RAB10: variants seen among roughly 807,000 people sequenced by gnomAD.
RAB10 encodes the protein RAB10, member RAS oncogene family.
Under a neutral mutation model 25.7 loss-of-function variants are expected in RAB10, and 5 were observed. The ratio of observed to expected loss-of-function variants is 0.19; its 90% CI spans 0.10 to 0.41. The LOEUF is 0.41. Ranked by LOEUF, RAB10 falls within the 10% of genes least tolerant of loss-of-function variation. RAB10 has a pLI of 1.00. For missense variants in RAB10, 103 were observed against 245.8 expected (o/e 0.42, Z 3.89); for synonymous variants, 89 against 86.4 (o/e 1.03, Z -0.16).
intron 1 of RAB10, among the ~76,000 whole-genome samples, chr2:26,082,227 T>G (rs1666884480): frequency 2.0e-5 from 3 of 152,080 alleles, no homozygotes; most frequent in Admixed American, 1.3e-4. Flanking sequence ...TCTGTAAGGT[T>G]CTTATATTAT....
At position 26,124,481 on chromosome 2, in the gene RAB10, G is replaced by T. The variant is rs12464773; in HGVS notation, c.328-2663G>T. ...GTGGCAGTGATAATAGTTCACTCCA[G>T]CCTTGAGCTCTTGGGCTCAAGTGCT... On this transcript the variant is annotated intron_variant, in intron 3 of 5. Coordinates refer to ENST00000264710, the MANE Select transcript of RAB10 (RefSeq NM_016131.5). Among the ~76,000 whole-genome samples the T allele has an allele frequency of 2.4e-3, 307 of 127,556 alleles. 9 individuals carry two copies. The Admixed American group carries it at 0.028, about 11-fold the overall frequency. 83.7% of individuals were successfully genotyped at this position (127,556 alleles called of 152,430 possible).
At chr2:26,125,024 G>A (rs1449911581) in intron 3 of RAB10, among the ~76,000 whole-genome samples, 1 of 152,118 alleles carries the variant, frequency 6.6e-6, no homozygotes, top group Non-Finnish European at 1.5e-5. Context: ...GGATATGTGG[G>A]TTGTTTTCAC....
At chr2:26,094,708 G>A (rs940533547) in intron 1 of RAB10, among the ~76,000 whole-genome samples, 1 of 152,016 alleles carries the variant, frequency 6.6e-6, no homozygotes, top group African/African-American at 2.4e-5. Flanking sequence ...ACAGGCACGT[G>A]CCACCATGCC....
Position 26,058,093 on chromosome 2 carries a change from T to C in RAB10, c.127+23358T>C, listed in dbSNP as rs146274533. Among the ~76,000 whole-genome samples, 1,318 of 152,316 alleles carry C rather than the reference T, an allele frequency of 8.7e-3. 26 individuals are homozygous for C. Among genetic ancestry groups the C allele is most frequent in the African/African-American group, 0.028 (1,168 of 41,558 alleles). On this transcript the variant is annotated intron_variant, in intron 1 of 5. Transcript: ENST00000264710. ...AAGAAGACTAAAAATCTTGGAGGTA[T>C]CCTTGATGCCTCCTTCACTGGTATC...
At chr2:26,110,832 A>T (rs1482301435) in intron 3 of RAB10, among the ~76,000 whole-genome samples, 1 of 151,114 alleles carries the variant, frequency 6.6e-6, no homozygotes, top group Non-Finnish European at 1.5e-5. Context: ...TAGTGTCTTG[A>T]GTAGCTGGAA....
At chr2:26,109,468 T>C (rs904347585) in intron 2 of RAB10, among the ~76,000 whole-genome samples, 1 of 152,250 alleles carries the variant, frequency 6.6e-6, no homozygotes, top group African/African-American at 2.4e-5. Context: ...GGTATAGTTC[T>C]CTAATGTTCT....
chr2:26,093,676 C>T lies in RAB10; in HGVS notation c.128-4986C>T, dbSNP rs543710877. On this transcript the variant is annotated intron_variant, in intron 1 of 5. Coordinates refer to ENST00000264710, the MANE Select transcript of RAB10 (RefSeq NM_016131.5). ...GAGAGGATTTACGAAGTAGCATATG[C>T]TAAACGAGAGACATGAGAAAACATG... is the stretch of plus-strand genomic sequence containing the variant. Among the ~76,000 whole-genome samples the T allele has an allele frequency of 2.0e-5, 3 of 152,204 alleles. No individual in the cohort carries two copies. The South Asian group carries it at 6.2e-4, about 32-fold the overall frequency.
intron 1 of RAB10, among the ~76,000 whole-genome samples, chr2:26,063,610 T>C (rs893031665): frequency 1.3e-5 from 2 of 152,220 alleles, no homozygotes; most frequent in African/African-American, 4.8e-5. Context: ...ATAATCTTTA[T>C]TCAAGCTTCC....
intron 1 of RAB10, among the ~76,000 whole-genome samples, chr2:26,083,219 C>T (rs1666904707): frequency 6.6e-6 from 1 of 152,026 alleles, no homozygotes; most frequent in South Asian, 2.1e-4. Context: ...AAGATGTAAA[C>T]GTGCCTTTAT....
chr2:26,136,720 C>A lies in RAB10; in HGVS notation c.*1699C>A, dbSNP rs1189483463. The A allele has an allele frequency of 6.6e-6, 1 of 152,566 alleles. No homozygotes were observed. Among genetic ancestry groups the A allele is most frequent in the Non-Finnish European group, 1.5e-5 (1 of 68,018 alleles). The allele number at this position is 152,566 out of a possible 1,614,324, so 9.5% of individuals were successfully genotyped here. ...TGTGTCGTGAATAGCATTTTAATGA[C>A]CTCTTGGCTCACATAAGCAAACAAC... On this transcript the variant is annotated 3_prime_UTR_variant, in exon 6 of 6. Coordinates refer to ENST00000264710, the MANE Select transcript of RAB10 (RefSeq NM_016131.5).
intron 1 of RAB10, among the ~76,000 whole-genome samples, chr2:26,072,628 A>G (rs1666652134): frequency 6.6e-6 from 1 of 151,714 alleles, no homozygotes. Flanking sequence ...TTCTTAAAAT[A>G]CTCCTCCCTT....
At chr2:26,080,170 T>C (rs1666837154) in intron 1 of RAB10, among the ~76,000 whole-genome samples, 1 of 152,206 alleles carries the variant, frequency 6.6e-6, no homozygotes, top group Admixed American at 6.5e-5. Context: ...ATAATGGTAG[T>C]ATTGAATTAA....
intron 1 of RAB10, among the ~76,000 whole-genome samples, chr2:26,078,073 C>T (rs1381715449): frequency 6.6e-6 from 1 of 152,092 alleles, no homozygotes; most frequent in Non-Finnish European, 1.5e-5. Context: ...TAAAGTAAGA[C>T]AATTCCATTT....
intron 1 of RAB10, among the ~76,000 whole-genome samples, chr2:26,044,991 TTTTG>T: frequency 6.6e-6 from 1 of 152,100 alleles, no homozygotes. Context: ...GTGGTTTTGT[TTTTG>T]TTTTTTTTTT....
At chr2:26,125,726 G>A (rs1391253603) in intron 3 of RAB10, among the ~76,000 whole-genome samples, 1 of 151,890 alleles carries the variant, frequency 6.6e-6, no homozygotes, top group East Asian at 1.9e-4. Context: ...GTCATTTTTT[G>A]TTGTTGTTAG....
intron 3 of RAB10, among the ~76,000 whole-genome samples, chr2:26,122,635 A>AC (rs1351045892): frequency 2.6e-5 from 4 of 152,072 alleles, no homozygotes; most frequent in Admixed American, 6.6e-5. Flanking sequence ...CAAAAAAAAA[A>AC]ACAAAAAAAA....
chr2:26,105,006 G>C (rs1194008321), intron 2 of RAB10, among the ~76,000 whole-genome samples: 1 of 151,916 alleles, frequency 6.6e-6, no homozygotes, highest in Admixed American at 6.6e-5. Context: ...CAAAGTCCTG[G>C]GATTACAGGC....
At chr2:26,085,815 G>A (rs1018219862) in intron 1 of RAB10, among the ~76,000 whole-genome samples, 2 of 151,736 alleles carry the variant, frequency 1.3e-5, no homozygotes, top group African/African-American at 4.8e-5. Flanking sequence ...TGACCAACAT[G>A]GAGAAACCCT....
chr2:26,076,367 G>A (rs1280918559), intron 1 of RAB10, among the ~76,000 whole-genome samples: 2 of 152,136 alleles, frequency 1.3e-5, no homozygotes, highest in Non-Finnish European at 1.5e-5. Flanking sequence ...CATTAAACTT[G>A]TATTTGCTTA....
Sources: gnomAD v4.1 joint callset for allele counts (sites outside exome capture counted in the v4.1 genomes callset) on GRCh38, gnomAD v4.1.1 for gene constraint, MANE v1.5 for transcripts, NCBI Gene and HGNC (gene_info 2026-07-23, HGNC 2026-07-21) for gene names.